CHD5: variants seen among roughly 807,000 people sequenced by gnomAD.
CHD5 encodes chromodomain helicase DNA binding protein 5, also known as ATP-dependent chromatin remodeler CHD5.
CHD5 carries 69 observed loss-of-function variants against 230.3 expected under a neutral mutation model. The observed-to-expected ratio is 0.30, with a 90% CI of 0.25 to 0.37. The LOEUF is 0.37. Ranked by LOEUF, CHD5 falls within the 10% of genes least tolerant of loss-of-function variation. CHD5 has a pLI of 1.00. For missense variants in CHD5, 1,827 were observed against 2,622.8 expected (o/e 0.70, Z 6.63); for synonymous variants, 1,064 against 1,065.9 (o/e 1.00, Z 0.03).
intron 33 of CHD5, among the ~76,000 whole-genome samples, chr1:6,120,466 C>T (rs1299643585): frequency 2.1e-5 from 3 of 146,268 alleles, no homozygotes; most frequent in Non-Finnish European, 3.0e-5. Flanking sequence ...GTCAGGAGGT[C>T]GAGACCAGCC....
At chr1:6,122,502 C>T (rs994932623) in intron 31 of CHD5, among the ~76,000 whole-genome samples, 15 of 152,168 alleles carry the variant, frequency 9.9e-5, no homozygotes, top group Admixed American at 9.8e-4. Flanking sequence ...CTGCTGAAGA[C>T]GTGGAGAACC....
Position 6,137,613 on chromosome 1 carries a change from G to A in CHD5, c.2437-748C>T, listed in dbSNP as rs139745142. Among the ~76,000 whole-genome samples, 31 of 152,322 alleles carry A rather than the reference G, an allele frequency of 2.0e-4. No homozygotes were observed. The East Asian group carries it at 6.0e-3, about 29-fold the overall frequency. Reference sequence around the variant, plus strand: ...CTCCCAATGTACTGGGAATACAGGCGTGAGCTACCGCACCTGGCCTTTTAT... The same window carrying A: ...CTCCCAATGTACTGGGAATACAGGCATGAGCTACCGCACCTGGCCTTTTAT... On this transcript the variant is annotated intron_variant, in intron 15 of 41. Transcript: ENST00000262450.
rs1224196123 is a variant in CHD5, at chr1:6,146,463, G to A, written c.1591-40C>T. On this transcript the variant is annotated intron_variant, in intron 10 of 41. Transcript: ENST00000262450. This position sits in a 1 kb window ranked among gnomAD's most constrained non-coding sequence, Gnocchi z 5.1. The stretch of plus-strand genomic sequence containing the variant: ...GCACAAAGTCACAGAAGGGAGATGG[G>A]CCATGGTCCCCTGCATCTCCCTACC... The A allele has an allele frequency of 6.3e-7, 1 of 1,577,992 alleles. No individual in the cohort carries two copies. The highest frequency in any genetic ancestry group is 8.7e-7 in the Non-Finnish European group (1 of 1,151,558).
intron 13 of CHD5, among the ~76,000 whole-genome samples, chr1:6,143,505 CA>C (rs1324449381): frequency 6.6e-6 from 1 of 152,176 alleles, no homozygotes; most frequent in Non-Finnish European, 1.5e-5. Flanking sequence ...TCTTCTGAAA[CA>C]GCTACCCAGG....
At chr1:6,145,405 G>A (rs2100859947) in intron 11 of CHD5, among the ~76,000 whole-genome samples, 1 of 152,326 alleles carries the variant, frequency 6.6e-6, no homozygotes, top group South Asian at 2.1e-4. Flanking sequence ...GCTGGGATGG[G>A]GAGCACAAGC....
intron 33 of CHD5, among the ~76,000 whole-genome samples, chr1:6,114,925 A>G (rs1177013679): frequency 1.3e-5 from 2 of 151,904 alleles, no homozygotes; most frequent in African/African-American, 4.8e-5. Flanking sequence ...GAGGCAGGAG[A>G]ATCACTTGAA....
chr1:6,102,232 C>T lies in CHD5; in HGVS notation c.*3242G>A, dbSNP rs1251639775. ...AACGGGCCCTTTCTGGGTTATCGCA[C>T]CTAAAAAAATACTTTGTTTAAAAAA... On this transcript the variant is annotated 3_prime_UTR_variant, in exon 42 of 42. Coordinates refer to ENST00000262450, the MANE Select transcript of CHD5 (RefSeq NM_015557.3). The T allele has an allele frequency of 6.5e-6, 1 of 154,822 alleles. No individual in the cohort carries two copies. Among genetic ancestry groups the T allele is most frequent in the African/African-American group, 2.4e-5 (1 of 41,236 alleles). 9.6% of individuals were successfully genotyped at this position (154,822 alleles called of 1,614,324 possible).
intron 25 of CHD5, among the ~76,000 whole-genome samples, chr1:6,127,692 C>T (rs1354594087): frequency 2.0e-5 from 3 of 152,158 alleles, no homozygotes; most frequent in Non-Finnish European, 4.4e-5. Flanking sequence ...GCCGGGATGA[C>T]GCCACGGAGC....
intron 11 of CHD5, 98 bp from the exon 12 acceptor site, chr1:6,144,253 G>T (rs1488656458): frequency 2.0e-6 from 3 of 1,529,494 alleles, no homozygotes; most frequent in East Asian, 4.5e-5. Context: ...TTCACACCCA[G>T]GGTCCCCTCG....
rs899061999 is a variant in CHD5 at position 6,130,744 on chromosome 1, C to T, written c.3263-416G>A. On this transcript the variant is annotated intron_variant, in intron 21 of 41. Coordinates refer to ENST00000262450, the MANE Select transcript of CHD5 (RefSeq NM_015557.3). The surrounding 1 kb of genome is among the most constrained non-coding windows in gnomAD (Gnocchi z 4.9). Reference sequence around the variant, plus strand: ...AGGGCAGCCCGGGAAAACTCAGGGGCGCAGCTCCGGGACCTGGGGTCCCAC... The same window carrying T: ...AGGGCAGCCCGGGAAAACTCAGGGGTGCAGCTCCGGGACCTGGGGTCCCAC... Among the ~76,000 whole-genome samples, 7 of 152,204 alleles carry T rather than the reference C, an allele frequency of 4.6e-5. No homozygotes were observed. The highest frequency in any genetic ancestry group is 1.2e-4 in the African/African-American group (5 of 41,452).
intron 33 of CHD5, 95 bp from the exon 34 acceptor site, chr1:6,113,093 T>A: frequency 1.2e-6 from 1 of 850,222 alleles, no homozygotes; most frequent in Non-Finnish European, 2.0e-6. Context: ...ACCCTATCCA[T>A]CAATATGTTC....
rs1212294673 is a variant in CHD5, at chr1:6,136,627, G to C, written c.2586C>G (p.Val862=). ...TGTAATCAATCTTGTAGCTGTTTAA[G>C]ACCCTAAAAAACTGAGGGGAGGAGA... The part of the protein sequence containing the change: ...LKNNQSKFFR[V]LNSYKIDYKL... The change falls in exon 17 of 42, where the codon GTC becomes GTG. Residue 862 remains valine (V), a synonymous_variant. Coordinates refer to ENST00000262450, the MANE Select transcript of CHD5 (RefSeq NM_015557.3). The C allele has an allele frequency of 6.2e-7, 1 of 1,614,126 alleles. No individual in the cohort carries two copies.
rs534538287 is a variant in CHD5, at chr1:6,125,075, C to T, written c.4394+25G>A. ...CTACTCAGGGGCAGGTGGTCACACC[C>T]TGGGCCACCACCTAGCCCCTTTACC... On this transcript the variant is annotated intron_variant, in intron 29 of 41. Coordinates refer to ENST00000262450, the MANE Select transcript of CHD5 (RefSeq NM_015557.3). The surrounding 1 kb of genome is among the most constrained non-coding windows in gnomAD (Gnocchi z 6.7). The T allele has an allele frequency of 4.5e-6, 7 of 1,545,494 alleles. No individual in the cohort carries two copies. The African/African-American group carries it at 6.8e-5, about 15-fold the overall frequency.
chr1:6,151,605 G>A (rs1360254801), intron 6 of CHD5, among the ~76,000 whole-genome samples: 1 of 152,228 alleles, frequency 6.6e-6, no homozygotes, highest in African/African-American at 2.4e-5. Context: ...GCCAGGTGAC[G>A]AGTGCTACAG....
chr1:6,118,613 T>C (rs1316160483), intron 33 of CHD5, among the ~76,000 whole-genome samples: 1 of 152,286 alleles, frequency 6.6e-6, no homozygotes, highest in East Asian at 1.9e-4. Flanking sequence ...GAATTTATTT[T>C]TGAAGTGATT....
intron 2 of CHD5, among the ~76,000 whole-genome samples, chr1:6,166,573 G>A (rs1001255743): frequency 3.9e-5 from 6 of 152,032 alleles, no homozygotes; most frequent in Admixed American, 1.3e-4. Flanking sequence ...GAACTCCGTG[G>A]GGACCAAGGA....
chr1:6,156,731 G>C (rs1342158153), intron 3 of CHD5, among the ~76,000 whole-genome samples: 1 of 151,952 alleles, frequency 6.6e-6, no homozygotes, highest in Non-Finnish European at 1.5e-5. Flanking sequence ...GCCTGGGGTG[G>C]AGGGACATCC....
chr1:6,139,765 A>G (rs1666800081), intron 15 of CHD5, among the ~76,000 whole-genome samples: 2 of 152,152 alleles, frequency 1.3e-5, no homozygotes, highest in Admixed American at 1.3e-4. Flanking sequence ...CATTATGTGT[A>G]TTTTACCACA....
At chr1:6,151,328 C>A (rs1264883338) in intron 6 of CHD5, among the ~76,000 whole-genome samples, 173 bp from the exon 7 acceptor site, 6 of 152,316 alleles carry the variant, frequency 3.9e-5, no homozygotes, top group Admixed American at 3.9e-4. Flanking sequence ...CCTGCCTGTC[C>A]AGCCTGATGT....
Sources: gnomAD v4.1 joint callset for allele counts (sites outside exome capture counted in the v4.1 genomes callset) on GRCh38, gnomAD v4.1.1 for gene constraint, Gnocchi (gnomAD v3.1) non-coding constraint, MANE v1.5 for transcripts, NCBI Gene and HGNC (gene_info 2026-07-23, HGNC 2026-07-21) for gene names.